DPP6: variants seen among roughly 807,000 people sequenced by gnomAD.
DPP6 encodes A-type potassium channel modulatory protein DPP6.
Under a neutral mutation model 122.6 loss-of-function variants are expected in DPP6, and 69 were observed. The ratio of observed to expected loss-of-function variants is 0.56; its 90% CI spans 0.46 to 0.69. The LOEUF is 0.69. Among genes scored for constraint, DPP6 ranks in the 30% least tolerant of loss-of-function variants. DPP6 has a pLI of 0.00. For synonymous variants in DPP6, 418 were observed against 433.1 expected, an observed-to-expected ratio of 0.97 and a Z score of 0.43; for missense variants, 928 against 1,116.9, an observed-to-expected ratio of 0.83 and a Z score of 2.41.
chr7:154,009,637 C>T (rs151214164), intron 1 of DPP6, among the ~76,000 whole-genome samples: 1 of 151,828 alleles, frequency 6.6e-6, no homozygotes, highest in Non-Finnish European at 1.5e-5. Flanking sequence ...AATTAGATAC[C>T]AGCTCATTAA....
At chr7:154,275,048 A>G (rs1334427359) in intron 1 of DPP6, among the ~76,000 whole-genome samples, 2 of 152,220 alleles carry the variant, frequency 1.3e-5, no homozygotes, top group African/African-American at 4.8e-5. Context: ...GTGCACTGTC[A>G]TGCTCAGGGC....
rs901181333 is a variant in DPP6, at chr7:154,862,725, C to A, written c.1715-5270C>A. ...ACATGAGTCCCCTCAATGCACAACT[C>A]CTCTGGCATCAAACACCTGCCATGG... is the stretch of plus-strand genomic sequence containing the variant. On this transcript the variant is annotated intron_variant, in intron 17 of 25. Coordinates refer to ENST00000377770, the MANE Select transcript of DPP6 (RefSeq NM_130797.4). Among the ~76,000 whole-genome samples the A allele has an allele frequency of 6.6e-5, 10 of 152,200 alleles. No homozygotes were observed. The South Asian group carries it at 2.1e-3, about 31-fold the overall frequency.
intron 5 of DPP6, among the ~76,000 whole-genome samples, chr7:154,596,062 A>G (rs1833074175): frequency 6.6e-6 from 1 of 152,222 alleles, no homozygotes; most frequent in African/African-American, 2.4e-5. Flanking sequence ...GCCATCTCAA[A>G]AAAAGAAAGG....
At chr7:154,362,580 A>ATTTTTTT (rs35131020) in intron 1 of DPP6, among the ~76,000 whole-genome samples, 1 of 133,170 alleles carries the variant, frequency 7.5e-6, no homozygotes, top group African/African-American at 2.8e-5. Flanking sequence ...ATGCCATGCT[A>ATTTTTTT]TTTTTTTTTT....
chr7:153,903,630 C>T (rs1201269654), intron 1 of DPP6, among the ~76,000 whole-genome samples: 3 of 152,118 alleles, frequency 2.0e-5, no homozygotes, highest in Non-Finnish European at 4.4e-5. Flanking sequence ...TCAATAAAAT[C>T]TTATTAATGC....
chr7:154,510,694 CAA>C lies in DPP6; in HGVS notation c.458-29825_458-29824del, dbSNP rs67365097. Among the ~76,000 whole-genome samples the C allele has an allele frequency of 1.9e-3, 254 of 134,084 alleles. 2 individuals carry two copies. The highest frequency in any genetic ancestry group is 5.1e-3 in the African/African-American group (180 of 35,142). The allele number at this position is 134,084 out of a possible 152,430, so 88.0% of individuals were successfully genotyped here. A position where few individuals can be genotyped will look rare whatever the true frequency, so the allele number is the denominator to read the frequency against. ...AGCCCAGGTGACAGCCCAGGTGTCT[CAA>C]AAAAAAAAAAAATAGTGTAAAGGGC... On this transcript the variant is annotated intron_variant, in intron 3 of 25. Transcript: ENST00000377770.
intron 3 of DPP6, among the ~76,000 whole-genome samples, chr7:154,492,488 G>A (rs577739627): frequency 1.3e-5 from 2 of 152,216 alleles, no homozygotes; most frequent in African/African-American, 2.4e-5. Flanking sequence ...TCTCCTTCTC[G>A]CCTCACCTCT....
intron 20 of DPP6, among the ~76,000 whole-genome samples, chr7:154,880,088 C>T (rs1011179942): frequency 6.6e-6 from 1 of 152,224 alleles, no homozygotes; most frequent in Non-Finnish European, 1.5e-5. Context: ...GACATTATGG[C>T]TTGGCTTGAG....
the DPP6 span, among the ~76,000 whole-genome samples, chr7:153,859,371 A>G: frequency 6.6e-6 from 1 of 152,216 alleles, no homozygotes; most frequent in Non-Finnish European, 1.5e-5. Context: ...TGGCATACAA[A>G]GAGGACAATG....
intron 6 of DPP6, among the ~76,000 whole-genome samples, chr7:154,655,626 TC>T (rs1837188636): frequency 6.6e-6 from 1 of 152,196 alleles, no homozygotes; most frequent in Admixed American, 6.5e-5. Context: ...CACACACACC[TC>T]TAAGAATTTC....
chr7:153,814,928 T>G, the DPP6 span, among the ~76,000 whole-genome samples: 3 of 152,090 alleles, frequency 2.0e-5, no homozygotes, highest in African/African-American at 4.8e-5. Context: ...CTAAAAACTC[T>G]CAATAAATTA....
At chr7:153,799,128 G>A in the DPP6 span, among the ~76,000 whole-genome samples, 2 of 152,210 alleles carry the variant, frequency 1.3e-5, no homozygotes, top group African/African-American at 2.4e-5. Flanking sequence ...TTTAGGGCAT[G>A]AAACAGACTG....
At chr7:154,653,974 GGAA>G (rs377714874) in intron 6 of DPP6, among the ~76,000 whole-genome samples, 18,330 of 148,768 alleles carry the variant, frequency 0.12, 1,453 homozygotes, top group Non-Finnish European at 0.18. Flanking sequence ...TCAAATACCT[GGAA>G]AAAAAAAAAA....
Position 154,364,230 on chromosome 7 carries a change from C to T in DPP6, c.244-81984C>T, listed in dbSNP as rs763381452. 7.2e-5 allele frequency among the ~76,000 whole-genome samples: 11 copies of T among 152,298 alleles called. No homozygotes were observed. In the South Asian group the frequency reaches 1.0e-3, roughly 14 times the overall value. ...TGTCCCAACTTTGACAAAAAAGTGG[C>T]ATAGTACATCATTTGAAATTCACCA... is the stretch of plus-strand genomic sequence containing the variant. On this transcript the variant is annotated intron_variant, in intron 1 of 25. Coordinates refer to ENST00000377770, the MANE Select transcript of DPP6 (RefSeq NM_130797.4).
chr7:154,825,649 G>T (rs766503829), intron 16 of DPP6, among the ~76,000 whole-genome samples: 1 of 152,172 alleles, frequency 6.6e-6, no homozygotes, highest in Non-Finnish European at 1.5e-5. Flanking sequence ...CAGGACTTGC[G>T]CATGGCTAGT....
intron 1 of DPP6, among the ~76,000 whole-genome samples, chr7:154,268,950 AT>A (rs1256777283): frequency 6.6e-6 from 1 of 150,420 alleles, no homozygotes. Context: ...AAATTTGCAG[AT>A]AAAAATGCCC....
At chr7:154,572,315 T>A (rs1233797472) in intron 5 of DPP6, among the ~76,000 whole-genome samples, 1 of 152,030 alleles carries the variant, frequency 6.6e-6, no homozygotes, top group African/African-American at 2.4e-5. Context: ...TATCCCAGAA[T>A]CTTCTATGCA....
intron 1 of DPP6, among the ~76,000 whole-genome samples, chr7:154,249,224 CTCTT>C (rs1802192038): frequency 6.6e-6 from 1 of 152,344 alleles, no homozygotes; most frequent in East Asian, 1.9e-4. Flanking sequence ...ATGCAGCTCT[CTCTT>C]TCAACATATT....
chr7:154,786,499 A>T (rs572183443), intron 10 of DPP6, among the ~76,000 whole-genome samples: 1 of 152,128 alleles, frequency 6.6e-6, no homozygotes, highest in African/African-American at 2.4e-5. Context: ...ATGAGTGCTC[A>T]TTTGATCTGA....
Sources: allele counts gnomAD v4.1 joint callset (sites outside exome capture counted in the v4.1 genomes callset), GRCh38; gene constraint gnomAD v4.1.1; transcripts MANE v1.5; gene names NCBI Gene and HGNC (gene_info 2026-07-23, HGNC 2026-07-21).